The following DPY19L3 variants were observed in gnomAD, a reference collection of about 807,000 sequenced individuals.
The protein encoded by DPY19L3 is dpy-19 like C-mannosyltransferase 3, also known as protein C-mannosyl-transferase DPY19L3.
In DPY19L3, 51 loss-of-function variants were observed where a neutral mutation model predicts 92.3. The ratio of observed to expected loss-of-function variants is 0.55; its 90% confidence interval spans 0.44 to 0.70. DPY19L3 has a LOEUF of 0.70. DPY19L3 is among the 30% of genes least tolerant of loss of function. The probability of loss-of-function intolerance (pLI) is 0.00; values close to 1 mark genes in which losing one functional copy is unlikely to be tolerated. For synonymous variants in DPY19L3, 309 were observed against 315.2 expected (o/e 0.98, Z 0.21); for missense variants, 706 against 855.9 (o/e 0.82, Z 2.18).
intron 12 of DPY19L3, among the ~76,000 whole-genome samples, 165 bp downstream of exon 12, chr19:32,458,674 G>A (rs1007280716): frequency 2.0e-5 from 3 of 152,166 alleles, no homozygotes; most frequent in Non-Finnish European, 4.4e-5. Context: ...GTAGTTAGGA[G>A]ACAACAGAGT....
intron 3 of DPY19L3, among the ~76,000 whole-genome samples, chr19:32,418,621 C>T (rs1377825348): frequency 2.6e-5 from 4 of 152,076 alleles, no homozygotes; most frequent in Admixed American, 1.3e-4. Flanking sequence ...AGTGTATATT[C>T]CTTTATAAAT....
chr19:32,449,287 G>A (rs1969620465), intron 8 of DPY19L3, among the ~76,000 whole-genome samples: 1 of 152,124 alleles, frequency 6.6e-6, no homozygotes, highest in Non-Finnish European at 1.5e-5. Context: ...CGCCTAGATT[G>A]GAAAGATAAT....
chr19:32,477,270 G>T (rs528778160), intron 16 of DPY19L3, among the ~76,000 whole-genome samples: 3 of 152,046 alleles, frequency 2.0e-5, no homozygotes, highest in Non-Finnish European at 2.9e-5. Flanking sequence ...AAACATTGTT[G>T]TAAAAAACAT....
At chr19:32,405,953 G>A (rs1599572304) in intron 1 of DPY19L3, 44 bp downstream of exon 1, 1 of 151,434 alleles carries the variant, frequency 6.6e-6, no homozygotes, top group African/African-American at 2.4e-5. Context: ...GGTCTACCGA[G>A]AGGGCGGGCG....
At chr19:32,456,593 C>G (rs1304010407) in intron 10 of DPY19L3, among the ~76,000 whole-genome samples, 3 of 151,784 alleles carry the variant, frequency 2.0e-5, no homozygotes, top group Non-Finnish European at 4.4e-5. Context: ...GCCACCGCCC[C>G]TGGCTAATTT....
intron 15 of DPY19L3, chr19:32,467,854 A>G (rs890962101): frequency 5.1e-6 from 5 of 982,996 alleles, no homozygotes; most frequent in East Asian, 2.3e-4. Context: ...AAGATATTAG[A>G]TAAGTGGGTA....
Position 32,416,300 on chromosome 19 carries a change from G to A in DPY19L3, c.237+4928G>A, listed in dbSNP as rs541959156. 6.6e-5 allele frequency among the ~76,000 whole-genome samples: 10 copies of A among 152,352 alleles called. 1 individual carries two copies. The South Asian group carries it at 2.1e-3, about 32-fold the overall frequency. The stretch of plus-strand genomic sequence containing the variant: ...GCTGCTTGCTCTCCTTAGCAGCGGG[G>A]TGGATGGATGGACATGCCATTTTCT... On this transcript the variant is annotated intron_variant, in intron 3 of 18. Transcript: ENST00000392250.
intron 8 of DPY19L3, among the ~76,000 whole-genome samples, chr19:32,442,996 A>T (rs1183286583): frequency 2.0e-5 from 3 of 152,156 alleles, no homozygotes; most frequent in Non-Finnish European, 4.4e-5. Context: ...AGTGGTAATG[A>T]GACATCCTGT....
rs1970701862 is a variant in DPY19L3, at chr19:32,482,420, CTT to C, written c.*184_*185del. ...GAAAGCATCTTCTACAAGCAGAAGT[CTT>C]TTTCGTTGTGTGTCTATCTTTCTCA... is the stretch of plus-strand genomic sequence containing the variant. On this transcript the variant is annotated 3_prime_UTR_variant, in exon 19 of 19. Coordinates refer to ENST00000392250, the MANE Select transcript of DPY19L3 (RefSeq NM_001172774.2). 2 of 663,838 alleles carry C rather than the reference CTT, an allele frequency of 3.0e-6. No individual in the cohort carries two copies. Among genetic ancestry groups the C allele is most frequent in the Non-Finnish European group, 4.9e-6 (2 of 407,800 alleles). 41.1% of individuals were successfully genotyped at this position (663,838 alleles called of 1,614,324 possible). A position where few individuals can be genotyped will look rare whatever the true frequency, so the allele number is the denominator to read the frequency against.
intron 12 of DPY19L3, among the ~76,000 whole-genome samples, 178 bp downstream of exon 12, chr19:32,458,687 T>A (rs1363729698): frequency 3.3e-5 from 5 of 152,166 alleles, no homozygotes; most frequent in Non-Finnish European, 7.4e-5. Context: ...AACAGAGTAA[T>A]GATCAGATTG....
chr19:32,407,264 T>TCCCCCCCCCCCCCCCCCC (rs148363125), intron 1 of DPY19L3, among the ~76,000 whole-genome samples: 2 of 81,320 alleles, frequency 2.5e-5, no homozygotes, highest in African/African-American at 5.2e-5. Context: ...AGGCTCCTGC[T>TCCCCCCCCCCCCCCCCCC]CCCCCCCACC....
chr19:32,423,723 G>A (rs1357590002), intron 3 of DPY19L3, among the ~76,000 whole-genome samples: 2 of 152,126 alleles, frequency 1.3e-5, no homozygotes, highest in African/African-American at 4.8e-5. Flanking sequence ...GGTAAAAGAT[G>A]GTGGAGGCTG....
intron 8 of DPY19L3, among the ~76,000 whole-genome samples, chr19:32,443,867 G>A (rs1364647482): frequency 6.6e-6 from 1 of 151,884 alleles, no homozygotes; most frequent in Non-Finnish European, 1.5e-5. Context: ...ATCAGCCCGG[G>A]CAACATGGTG....
intron 1 of DPY19L3, among the ~76,000 whole-genome samples, chr19:32,407,229 G>A (rs550017292): frequency 1.8e-4 from 25 of 136,112 alleles, no homozygotes; most frequent in Middle Eastern, 4.0e-3. Flanking sequence ...CCACTCCCCC[G>A]CCTCCCACTT....
At chr19:32,469,494 T>TAAAAAAAAAAAAAA (rs1189739601) in intron 16 of DPY19L3, among the ~76,000 whole-genome samples, 1 of 124,264 alleles carries the variant, frequency 8.0e-6, no homozygotes. Context: ...AGACTCTCTC[T>TAAAAAAAAAAAAAA]AAAAAAAAAA....
intron 4 of DPY19L3, among the ~76,000 whole-genome samples, chr19:32,433,445 TCTCA>T (rs1969034352): frequency 6.6e-6 from 1 of 152,208 alleles, no homozygotes; most frequent in Non-Finnish European, 1.5e-5. Flanking sequence ...TGAGACAGGG[TCTCA>T]CTCTGTCGTC....
chr19:32,462,659 G>A (rs1295362839), intron 12 of DPY19L3, among the ~76,000 whole-genome samples: 3 of 151,954 alleles, frequency 2.0e-5, no homozygotes, highest in African/African-American at 7.3e-5. Context: ...ACAAACAAAT[G>A]GCCTGTTTTT....
chr19:32,427,054 T>C (rs1968788242), intron 3 of DPY19L3, among the ~76,000 whole-genome samples: 2 of 152,136 alleles, frequency 1.3e-5, no homozygotes, highest in Admixed American at 6.6e-5. Context: ...AGTGCAGAGG[T>C]GCGATCTCGG....
intron 8 of DPY19L3, among the ~76,000 whole-genome samples, chr19:32,442,735 G>A (rs1272516419): frequency 2.6e-5 from 4 of 152,148 alleles, no homozygotes; most frequent in Non-Finnish European, 5.9e-5. Flanking sequence ...TAACAAGACA[G>A]AAAACTTTCA....
Sources: allele counts gnomAD v4.1 joint callset (sites outside exome capture counted in the v4.1 genomes callset), GRCh38; gene constraint gnomAD v4.1.1; transcripts MANE v1.5; gene names NCBI Gene and HGNC (gene_info 2026-07-23, HGNC 2026-07-21).